The following DIS3L2 variants were observed in gnomAD, a reference collection of about 807,000 sequenced individuals.
DIS3L2 encodes DIS3-like exonuclease 2.
A neutral mutation model predicts 97.5 loss-of-function variants in DIS3L2; 34 were observed. The observed-to-expected ratio is 0.35, with a 90% CI of 0.27 to 0.46. DIS3L2 has a LOEUF of 0.46. DIS3L2 is among the 20% of genes least tolerant of loss of function. The probability of loss-of-function intolerance (pLI) is 1.00; values close to 1 mark genes in which losing one functional copy is unlikely to be tolerated. For synonymous variants in DIS3L2, 435 were observed against 445.2 expected, an observed-to-expected ratio of 0.98 and a Z score of 0.29; for missense variants, 1,038 against 1,146.0, an observed-to-expected ratio of 0.91 and a Z score of 1.36.
Position 232,030,008 on chromosome 2 carries a change from G to A in DIS3L2, c.294G>A (p.Gly98=). Residue 98 remains glycine (G), a synonymous_variant, in exon 5 of 21, where the codon GGG becomes GGA. Coordinates refer to ENST00000325385, the MANE Select transcript of DIS3L2 (RefSeq NM_152383.5). ...GTGATCGAGACATTTTTATTGATGG[G>A]GTTGTTGCTCGTAATAGAGCCTTAA... is the stretch of plus-strand genomic sequence containing the variant. ...PDGDRDIFID[G]VVARNRALNG... The A allele has an allele frequency of 6.2e-7, 1 of 1,606,916 alleles. No homozygotes were observed. The highest frequency in any genetic ancestry group is 8.5e-7 in the Non-Finnish European group (1 of 1,177,220).
At chr2:232,155,860 G>A (rs1227723666) in intron 8 of DIS3L2, among the ~76,000 whole-genome samples, 3 of 151,832 alleles carry the variant, frequency 2.0e-5, no homozygotes, top group Non-Finnish European at 4.4e-5. Flanking sequence ...TGTTGTGGCG[G>A]GTGCCTGTAG....
At chr2:232,019,257 A>G (rs986651645) in intron 3 of DIS3L2, among the ~76,000 whole-genome samples, 1 of 152,170 alleles carries the variant, frequency 6.6e-6, no homozygotes, top group Non-Finnish European at 1.5e-5. Flanking sequence ...ACCATTTGTT[A>G]AGAGTGAAAT....
At position 232,335,672 on chromosome 2, in the gene DIS3L2, CGAGGGCT is replaced by C. The variant is rs1379508980; in HGVS notation, c.2395-94_2395-88del. ...CAGCCAGGCAAGGGTGGGCCAGGGC[CGAGGGCT>C]GAGGGCCGCCTCCAAGCATTGAAGC... On this transcript the variant is annotated intron_variant, in intron 19 of 20. Coordinates refer to ENST00000325385, the MANE Select transcript of DIS3L2 (RefSeq NM_152383.5). 41 of 1,352,742 alleles carry C rather than the reference CGAGGGCT, an allele frequency of 3.0e-5. No homozygotes were observed. The African/African-American group carries it at 5.3e-4, about 18-fold the overall frequency. The allele number at this position is 1,352,742 out of a possible 1,614,324, so 83.8% of individuals were successfully genotyped here. A position where few individuals can be genotyped will look rare whatever the true frequency, so the allele number is the denominator to read the frequency against.
At chr2:232,086,282 C>A (rs930889325) in intron 5 of DIS3L2, among the ~76,000 whole-genome samples, 1 of 142,004 alleles carries the variant, frequency 7.0e-6, no homozygotes, top group Non-Finnish European at 1.5e-5. Context: ...TATACATATA[C>A]GTATATATGT....
chr2:232,339,628 G>A (rs983856420), downstream of DIS3L2: 27 of 437,890 alleles, frequency 6.2e-5, no homozygotes, highest in South Asian at 4.1e-4. Flanking sequence ...GCCACTGCAG[G>A]GTGTTCAGAG....
intron 1 of DIS3L2, among the ~76,000 whole-genome samples, chr2:232,004,960 C>G (rs1363625512): frequency 3.3e-5 from 5 of 152,044 alleles, no homozygotes; most frequent in Non-Finnish European, 5.9e-5. Context: ...GTGTCTTTTC[C>G]TTTACCTCAG....
chr2:232,200,837 G>A (rs901360256), intron 9 of DIS3L2, among the ~76,000 whole-genome samples: 5 of 145,510 alleles, frequency 3.4e-5, no homozygotes, highest in Middle Eastern at 3.6e-3. Flanking sequence ...AGGCTGGAGT[G>A]CAGTGGCACG....
chr2:232,231,161 C>T (rs529367157), intron 10 of DIS3L2, among the ~76,000 whole-genome samples: 1 of 152,324 alleles, frequency 6.6e-6, no homozygotes, highest in Admixed American at 6.5e-5. Context: ...AGACTGGAAG[C>T]TTGACATGAG....
intron 9 of DIS3L2, among the ~76,000 whole-genome samples, chr2:232,194,530 G>T (rs1691696716): frequency 6.6e-6 from 1 of 152,176 alleles, no homozygotes; most frequent in Admixed American, 6.5e-5. Flanking sequence ...CCAAGCTGAG[G>T]ATTATAGTTC....
chr2:232,080,877 G>A (rs1486733664), intron 5 of DIS3L2, among the ~76,000 whole-genome samples: 1 of 138,666 alleles, frequency 7.2e-6, no homozygotes, highest in African/African-American at 2.9e-5. Context: ...CTCAAGCGTA[G>A]GTAACAAAGT....
At chr2:232,114,313 A>C (rs1252519998) in intron 6 of DIS3L2, among the ~76,000 whole-genome samples, 2 of 152,026 alleles carry the variant, frequency 1.3e-5, no homozygotes, top group Non-Finnish European at 2.9e-5. Context: ...ACATTTCAGA[A>C]CTAGAATTGA....
intron 11 of DIS3L2, among the ~76,000 whole-genome samples, chr2:232,239,339 T>G (rs1340750697): frequency 6.6e-6 from 1 of 152,204 alleles, no homozygotes; most frequent in Non-Finnish European, 1.5e-5. Context: ...ACATATATAT[T>G]GAGCACCAAT....
chr2:232,258,695 C>T (rs576777909), intron 12 of DIS3L2, among the ~76,000 whole-genome samples: 3 of 151,612 alleles, frequency 2.0e-5, no homozygotes, highest in South Asian at 4.2e-4. Context: ...CTACTTTTTC[C>T]GTGAAAAACT....
At chr2:232,230,864 C>T (rs1049588394) in intron 10 of DIS3L2, among the ~76,000 whole-genome samples, 3 of 152,138 alleles carry the variant, frequency 2.0e-5, no homozygotes, top group Admixed American at 6.5e-5. Flanking sequence ...TCCACTTCTT[C>T]CCTGCTTTCC....
chr2:232,018,934 T>C (rs891169694), intron 3 of DIS3L2, among the ~76,000 whole-genome samples: 8 of 152,126 alleles, frequency 5.3e-5, no homozygotes, highest in Admixed American at 5.2e-4. Flanking sequence ...TCTCTCTTCA[T>C]AGGTAGAGTA....
chr2:232,093,364 C>T (rs1055969389), intron 6 of DIS3L2, among the ~76,000 whole-genome samples: 2 of 151,900 alleles, frequency 1.3e-5, no homozygotes, highest in South Asian at 4.2e-4. Context: ...AAATATATGT[C>T]TTTATCTGTT....
rs139646536 is a variant in DIS3L2, at chr2:232,207,532, A to G, written c.1125-2794A>G. Among the ~76,000 whole-genome samples the G allele has an allele frequency of 1.4e-4, 22 of 152,280 alleles. 2 individuals are homozygous for G. Among genetic ancestry groups the G allele is most frequent in the African/African-American group, 5.3e-4 (22 of 41,550 alleles). On this transcript the variant is annotated intron_variant, in intron 9 of 20. Coordinates refer to ENST00000325385, the MANE Select transcript of DIS3L2 (RefSeq NM_152383.5). ...CAACCTCTTTTATATAGTGGAACCA[A>G]AATTACTTCTGTATATCTTGAGGCT...
intron 5 of DIS3L2, among the ~76,000 whole-genome samples, chr2:232,031,541 T>A (rs1008013759): frequency 1.3e-5 from 2 of 151,726 alleles, no homozygotes; most frequent in African/African-American, 4.8e-5. Context: ...GGGATACATG[T>A]GCCGAATGAG....
rs148875299 is a variant in DIS3L2 at position 232,170,731 on chromosome 2, G to A, written c.1124+7099G>A. On this transcript the variant is annotated intron_variant, in intron 9 of 20. Transcript: ENST00000325385. ...GTAAAATTACAAACTGCAGCTTCTC[G>A]GCTGCCAAAATAGAAAACAATGAGC... Among the ~76,000 whole-genome samples the A allele has an allele frequency of 2.9e-3, 436 of 152,110 alleles. 1 individual carries two copies. The highest frequency in any genetic ancestry group is 4.7e-3 in the Non-Finnish European group (323 of 68,000).
Sources: gnomAD v4.1 joint callset for allele counts (sites outside exome capture counted in the v4.1 genomes callset) on GRCh38, gnomAD v4.1.1 for gene constraint, MANE v1.5 for transcripts, NCBI Gene and HGNC (gene_info 2026-07-23, HGNC 2026-07-21) for gene names.